The following STEEP1 variants were observed in gnomAD, a reference collection of about 807,000 sequenced individuals.
STEEP1 encodes STING1 ER exit protein 1.
STEEP1 carries 3 observed loss-of-function variants against 19.2 expected under a neutral mutation model. That is an observed-to-expected ratio of 0.16 (90% CI 0.07 to 0.40). The LOEUF is 0.40. Among genes scored for constraint, STEEP1 ranks in the 10% least tolerant of loss-of-function variants. The pLI is 0.99. For synonymous variants in STEEP1, 46 were observed against 63.7 expected, an observed-to-expected ratio of 0.72 and a Z score of 1.32; for missense variants, 54 against 177.1, an observed-to-expected ratio of 0.30 and a Z score of 3.94.
chrX:119,548,444 G>GA (rs751735440), intron 2 of STEEP1, among the ~76,000 whole-genome samples: 80 of 104,567 alleles, frequency 7.7e-4, no homozygotes, highest in Non-Finnish European at 1.5e-3. Flanking sequence ...TGAGGCAGGG[G>GA]AATCACTTGA....
intron 2 of STEEP1, among the ~76,000 whole-genome samples, chrX:119,554,214 G>A (rs1214305071): frequency 8.9e-6 from 1 of 112,084 alleles, no homozygotes. Context: ...GGAGGCCAAG[G>A]CGGGTGGATC....
chrX:119,563,303 C>T (rs2053333423), intron 1 of STEEP1, among the ~76,000 whole-genome samples: 1 of 69,593 alleles, frequency 1.4e-5, no homozygotes, highest in Admixed American at 1.8e-4. Context: ...AATCCCAGCA[C>T]TTTGGGAGGC....
intron 4 of STEEP1, 76 bp from the exon 5 acceptor site, chrX:119,542,670 G>T: frequency 1.5e-6 from 1 of 676,206 alleles, no homozygotes; most frequent in Non-Finnish European, 2.4e-6. Flanking sequence ...GTGCGCACAC[G>T]CCTGTGTGAG....
chrX:119,555,108 CA>C (rs60756610), intron 2 of STEEP1, among the ~76,000 whole-genome samples: 21,807 of 92,924 alleles, frequency 0.23, 3,435 homozygotes, highest in African/African-American at 0.55. Flanking sequence ...GACCCTGCCT[CA>C]AAAAAAAAAA....
Position 119,539,685 on chromosome X carries a change from C to A in STEEP1, c.*42G>T, listed in dbSNP as rs370514854. The A allele has an allele frequency of 2.1e-5, 22 of 1,067,721 alleles. No homozygotes were observed. The highest frequency in any genetic ancestry group is 3.7e-5 in the African/African-American group (2 of 54,088). The allele number at this position is 1,067,721 out of a possible 1,213,427, so 88.0% of individuals were successfully genotyped here. On this transcript the variant is annotated 3_prime_UTR_variant, in exon 7 of 7. Coordinates refer to ENST00000644802, the MANE Select transcript of STEEP1 (RefSeq NM_022101.4). ...TCAAGAAATTACTTTGCCTCCTGATCTAAATGCTTGCCTCTAGTCTAGGGC... is the reference window on the plus strand; with the variant it reads ...TCAAGAAATTACTTTGCCTCCTGATATAAATGCTTGCCTCTAGTCTAGGGC...
At position 119,541,427 on chromosome X, in the gene STEEP1, GAA is replaced by G. The variant is rs995397681; in HGVS notation, c.514-9_514-8del. 9.3e-7 allele frequency: 1 copy of G among 1,073,503 alleles called. No individual in the cohort carries two copies. The highest frequency in any genetic ancestry group is 1.3e-6 in the Non-Finnish European group (1 of 773,968). The allele number at this position is 1,073,503 out of a possible 1,213,427, so 88.5% of individuals were successfully genotyped here. A position where few individuals can be genotyped will look rare whatever the true frequency, so the allele number is the denominator to read the frequency against. On this transcript the variant is annotated splice_polypyrimidine_tract_variant and splice_region_variant and intron_variant, in intron 5 of 6. Coordinates refer to ENST00000644802, the MANE Select transcript of STEEP1 (RefSeq NM_022101.4). Reference sequence around the variant, plus strand: ...ATGAGTCAGCAACTTCCCTCTGAAGGAAAAAAGGAGCATCCTTAAACCGGAAG... The same window carrying G: ...ATGAGTCAGCAACTTCCCTCTGAAGGAAAAGGAGCATCCTTAAACCGGAAG...
chrX:119,550,758 G>A (rs770047260), intron 2 of STEEP1, among the ~76,000 whole-genome samples: 12 of 111,649 alleles, frequency 1.1e-4, no homozygotes, highest in Non-Finnish European at 2.3e-4. Flanking sequence ...CACCTACCAG[G>A]TTCAAGCGAT....
intron 1 of STEEP1, among the ~76,000 whole-genome samples, chrX:119,562,682 T>A (rs1387161690): frequency 2.3e-5 from 1 of 43,327 alleles, no homozygotes; most frequent in Non-Finnish European, 3.8e-5. Context: ...AGCTAGACAC[T>A]GTTTCAAAAA....
intron 1 of STEEP1, among the ~76,000 whole-genome samples, chrX:119,561,781 T>C (rs996609884): frequency 5.8e-4 from 63 of 108,732 alleles, no homozygotes; most frequent in African/African-American, 2.1e-3. Context: ...ATAGAGGAGG[T>C]GAAGAGAGGA....
At chrX:119,540,217 T>C (rs1200045956) in intron 6 of STEEP1, among the ~76,000 whole-genome samples, 1 of 112,617 alleles carries the variant, frequency 8.9e-6, no homozygotes, top group East Asian at 2.7e-4. Flanking sequence ...AAATGGATAG[T>C]AAGCATTTAG....
intron 2 of STEEP1, among the ~76,000 whole-genome samples, chrX:119,556,379 C>G (rs751616113): frequency 9.1e-6 from 1 of 110,077 alleles, no homozygotes; most frequent in African/African-American, 3.3e-5. Context: ...GTCAGGAGAT[C>G]GAGACCGTCC....
rs987273101 is a variant in STEEP1 at position 119,538,982 on chromosome X, A to G, written c.*745T>C. The G allele has an allele frequency of 8.9e-6, 1 of 111,870 alleles. No homozygotes were observed. The highest frequency in any genetic ancestry group is 3.2e-5 in the African/African-American group (1 of 30,775). 9.2% of individuals were successfully genotyped at this position (111,870 alleles called of 1,213,427 possible). On this transcript the variant is annotated 3_prime_UTR_variant, in exon 7 of 7. Transcript: ENST00000644802. ...TAAGAACAGAGACAGAGTCACTTCA[A>G]AGGATCTGACTTGCTATACCTAAAT...
chrX:119,554,144 A>C (rs1163136186), intron 2 of STEEP1, among the ~76,000 whole-genome samples: 3 of 112,258 alleles, frequency 2.7e-5, no homozygotes, highest in Non-Finnish European at 3.8e-5. Context: ...TGTGACCAAA[A>C]ACAAAACAAA....
chrX:119,546,457 A>AAG (rs34837560), intron 2 of STEEP1, among the ~76,000 whole-genome samples: 1 of 108,831 alleles, frequency 9.2e-6, no homozygotes, highest in Non-Finnish European at 1.9e-5. Flanking sequence ...AAAAAAAAAA[A>AAG]GTATACATGT....
At chrX:119,558,633 T>C (rs771498394) in intron 2 of STEEP1, among the ~76,000 whole-genome samples, 12 of 111,565 alleles carry the variant, frequency 1.1e-4, no homozygotes, top group Non-Finnish European at 2.1e-4. Flanking sequence ...ATTTGTTGCA[T>C]GAATGGATGG....
intron 2 of STEEP1, among the ~76,000 whole-genome samples, chrX:119,551,900 CT>C (rs58576371): frequency 0.049 from 4,492 of 91,340 alleles, 97 homozygotes; most frequent in South Asian, 0.083. Context: ...GCTTCCAAAA[CT>C]TTTTTTTTTT....
rs1286530988 is a variant in STEEP1 at position 119,539,298 on chromosome X, T to C, written c.*429A>G. ...TGTAATCCCAGCACTTTGGGAGGCC[T>C]AGGTGGGTGGATCATTTGAGGTCAG... On this transcript the variant is annotated 3_prime_UTR_variant, in exon 7 of 7. Coordinates refer to ENST00000644802, the MANE Select transcript of STEEP1 (RefSeq NM_022101.4). 1 of 114,083 alleles carries C rather than the reference T, an allele frequency of 8.8e-6. No homozygotes were observed. 9.4% of individuals were successfully genotyped at this position (114,083 alleles called of 1,213,427 possible). A position where few individuals can be genotyped will look rare whatever the true frequency, so the allele number is the denominator to read the frequency against.
chrX:119,544,247 A>AAAG, intron 4 of STEEP1, 106 bp downstream of exon 4: 1 of 570,628 alleles, frequency 1.8e-6, no homozygotes, highest in Non-Finnish European at 2.6e-6. Context: ...AAAGAAATAA[A>AAAG]AAGAATACAT....
intron 3 of STEEP1, 141 bp from the exon 4 acceptor site, chrX:119,544,632 C>G: frequency 1.8e-6 from 1 of 550,757 alleles, no homozygotes; most frequent in East Asian, 3.8e-5. Flanking sequence ...TCTCCCAAAA[C>G]TACCTCTACC....
Sources: gnomAD v4.1 joint callset for allele counts (sites outside exome capture counted in the v4.1 genomes callset) on GRCh38, gnomAD v4.1.1 for gene constraint, MANE v1.5 for transcripts, NCBI Gene and HGNC (gene_info 2026-07-23, HGNC 2026-07-21) for gene names.